Variants in FBXO47 observed in about 807,000 individuals in gnomAD.
FBXO47 encodes F-box protein 47.
A neutral mutation model predicts 53.9 loss-of-function variants in FBXO47; 34 were observed. The observed-to-expected ratio is 0.63, with a 90% CI of 0.48 to 0.84. The LOEUF is 0.84. Ranked by LOEUF, FBXO47 falls within the 40% of genes least tolerant of loss-of-function variation. The pLI is 0.00. For synonymous variants in FBXO47, 165 were observed against 181.6 expected, an observed-to-expected ratio of 0.91 and a Z score of 0.73; for missense variants, 485 against 541.3, an observed-to-expected ratio of 0.90 and a Z score of 1.03.
intron 6 of FBXO47, among the ~76,000 whole-genome samples, chr17:38,948,421 A>G (rs1317749950): frequency 6.6e-6 from 1 of 151,540 alleles, no homozygotes; most frequent in Non-Finnish European, 1.5e-5. Context: ...TGCCATGTTG[A>G]CCAGGCTGGT....
intron 4 of FBXO47, among the ~76,000 whole-genome samples, chr17:38,955,697 C>G (rs891994125): frequency 2.6e-5 from 4 of 151,044 alleles, no homozygotes; most frequent in Non-Finnish European, 4.4e-5. Context: ...CGGGGTTTCA[C>G]GCCTGTAATC....
At chr17:38,966,037 TATATA>T (rs1257250164) in intron 1 of FBXO47, among the ~76,000 whole-genome samples, 1 of 152,164 alleles carries the variant, frequency 6.6e-6, no homozygotes. Flanking sequence ...GGGATCACTA[TATATA>T]ATACTTTGTA....
chr17:38,959,313 T>C (rs937372974), intron 3 of FBXO47, among the ~76,000 whole-genome samples: 4 of 151,904 alleles, frequency 2.6e-5, no homozygotes, highest in African/African-American at 9.7e-5. Flanking sequence ...CCGAGTACGG[T>C]GGCTCACTCC....
At chr17:38,942,574 A>G (rs1904558475) in intron 9 of FBXO47, among the ~76,000 whole-genome samples, 1 of 152,222 alleles carries the variant, frequency 6.6e-6, no homozygotes, top group Admixed American at 6.5e-5. Context: ...AGCCTGGACA[A>G]AAGAGTGAGA....
intron 6 of FBXO47, among the ~76,000 whole-genome samples, chr17:38,945,790 G>A (rs1306596655): frequency 6.6e-6 from 1 of 151,210 alleles, no homozygotes; most frequent in East Asian, 1.9e-4. Flanking sequence ...CAAAAAATAA[G>A]CCGGGAGTGA....
intron 6 of FBXO47, among the ~76,000 whole-genome samples, chr17:38,948,375 G>C (rs1905045596): frequency 6.6e-6 from 1 of 151,756 alleles, no homozygotes; most frequent in East Asian, 1.9e-4. Flanking sequence ...ACCACGCCTG[G>C]CTGATTATTT....
chr17:38,945,691 C>T (rs1904723008), intron 6 of FBXO47, among the ~76,000 whole-genome samples: 1 of 151,670 alleles, frequency 6.6e-6, no homozygotes, highest in African/African-American at 2.4e-5. Flanking sequence ...AATCCCAGCA[C>T]TTTGGGAGGC....
chr17:38,958,666 C>A lies in FBXO47; in HGVS notation c.353-1413G>T, dbSNP rs9900643. 6.4e-3 allele frequency among the ~76,000 whole-genome samples: 968 copies of A among 152,010 alleles called. 7 individuals are homozygous for A. Among genetic ancestry groups the A allele is most frequent in the Non-Finnish European group, 8.4e-3 (572 of 67,996 alleles). ...TATGGTAGGAAAATACATACCTGAA[C>A]CTTATGACTTTTTTCAGCTTTCATC... On this transcript the variant is annotated intron_variant, in intron 3 of 10. Coordinates refer to ENST00000378079, the MANE Select transcript of FBXO47 (RefSeq NM_001008777.3).
At chr17:38,964,770 C>T (rs1414206573) in intron 1 of FBXO47, among the ~76,000 whole-genome samples, 1 of 152,124 alleles carries the variant, frequency 6.6e-6, no homozygotes, top group Non-Finnish European at 1.5e-5. Context: ...ATTTCTTAAA[C>T]TCATTAAATG....
At chr17:38,946,799 GATAT>G (rs2070409908) in intron 6 of FBXO47, among the ~76,000 whole-genome samples, 1 of 71,590 alleles carries the variant, frequency 1.4e-5, no homozygotes, top group African/African-American at 6.5e-5. Flanking sequence ...AATATATATA[GATAT>G]ATAAACATAT....
rs1316880980 is a variant in FBXO47 at position 38,946,403 on chromosome 17, TATATAG to T, written c.617-1273_617-1268del. ...ATAAATATATATATCTATATATAAA[TATATAG>T]ATATATATATAACTATATAAATATA... On this transcript the variant is annotated intron_variant, in intron 6 of 10. Transcript: ENST00000378079. Among the ~76,000 whole-genome samples, 14 of 94,030 alleles carry T rather than the reference TATATAG, an allele frequency of 1.5e-4. 4 individuals carry two copies. Among genetic ancestry groups the T allele is most frequent in the African/African-American group, 5.8e-4 (12 of 20,588 alleles). The allele number at this position is 94,030 out of a possible 152,430, so 61.7% of individuals were successfully genotyped here.
intron 5 of FBXO47, among the ~76,000 whole-genome samples, chr17:38,953,825 G>T (rs1429215860): frequency 6.6e-6 from 1 of 151,942 alleles, no homozygotes; most frequent in Admixed American, 6.6e-5. Flanking sequence ...AAGAAAGAAA[G>T]AAATAAGTAA....
At chr17:38,955,819 G>A (rs761966515) in intron 4 of FBXO47, among the ~76,000 whole-genome samples, 3 of 152,004 alleles carry the variant, frequency 2.0e-5, no homozygotes, top group African/African-American at 4.8e-5. Context: ...TTTGCTGGGC[G>A]TGGTGGCGCA....
intron 3 of FBXO47, among the ~76,000 whole-genome samples, chr17:38,958,386 A>G (rs1905658084): frequency 6.6e-6 from 1 of 151,972 alleles, no homozygotes; most frequent in Non-Finnish European, 1.5e-5. Context: ...TTAGGATGAA[A>G]TATCCATCTC....
chr17:38,948,210 T>C (rs1905036205), intron 6 of FBXO47, among the ~76,000 whole-genome samples: 3 of 81,700 alleles, frequency 3.7e-5, no homozygotes, highest in South Asian at 7.1e-4. Flanking sequence ...ATTCTGGATT[T>C]TTTTTTTTTT....
chr17:38,962,499 G>A (rs1420034144), intron 2 of FBXO47, among the ~76,000 whole-genome samples: 4 of 151,600 alleles, frequency 2.6e-5, no homozygotes, highest in Admixed American at 6.6e-5. Context: ...CCAGCTACTC[G>A]GGAGGCTGAG....
At chr17:38,950,082 T>C (rs1335577022) in intron 6 of FBXO47, among the ~76,000 whole-genome samples, 1 of 152,172 alleles carries the variant, frequency 6.6e-6, no homozygotes, top group Non-Finnish European at 1.5e-5. Flanking sequence ...TGGCATCATT[T>C]ATATTTACAC....
chr17:38,960,200 G>A (rs1905755293), intron 3 of FBXO47, among the ~76,000 whole-genome samples: 1 of 151,860 alleles, frequency 6.6e-6, no homozygotes, highest in Non-Finnish European at 1.5e-5. Context: ...TCAGGAGGCT[G>A]AGGCAGGAGG....
chr17:38,959,624 TTGTGTG>T (rs34354922), intron 3 of FBXO47, among the ~76,000 whole-genome samples: 15 of 126,198 alleles, frequency 1.2e-4, no homozygotes, highest in South Asian at 5.3e-4. Flanking sequence ...CTTCAAAGCA[TTGTGTG>T]TGTGTGTGTG....
Sources: allele counts gnomAD v4.1 joint callset (sites outside exome capture counted in the v4.1 genomes callset), GRCh38; gene constraint gnomAD v4.1.1; transcripts MANE v1.5; gene names NCBI Gene and HGNC (gene_info 2026-07-23, HGNC 2026-07-21).